The following UNC80 variants were observed in gnomAD, a reference collection of about 807,000 sequenced individuals.
The protein encoded by UNC80 is unc-80 subunit of NALCN channel complex, also known as protein unc-80 homolog.
Under a neutral mutation model 384.6 loss-of-function variants are expected in UNC80, and 164 were observed. The observed-to-expected ratio is 0.43, with a 90% CI of 0.38 to 0.49. The LOEUF (loss-of-function observed/expected upper bound fraction) is 0.49. Among genes scored for constraint, UNC80 ranks in the 20% least tolerant of loss-of-function variants. The probability of loss-of-function intolerance (pLI) is 0.00; values close to 1 mark genes in which losing one functional copy is unlikely to be tolerated. For synonymous variants in UNC80, 1,486 were observed against 1,527.8 expected, an observed-to-expected ratio of 0.97 and a Z score of 0.64; for missense variants, 3,330 against 4,143.0, an observed-to-expected ratio of 0.80 and a Z score of 5.39.
chr2:209,957,405 C>T (rs1231999018), intron 48 of UNC80, among the ~76,000 whole-genome samples: 1 of 152,064 alleles, frequency 6.6e-6, no homozygotes, highest in East Asian at 1.9e-4. Context: ...GTCTATTACT[C>T]AGAACAAAGA....
intron 3 of UNC80, 111 bp downstream of exon 3, chr2:209,776,156 T>C (rs2076849065): frequency 1.5e-6 from 2 of 1,324,858 alleles, no homozygotes; most frequent in East Asian, 2.4e-5. Flanking sequence ...TGTGCATATA[T>C]TATCTCATTT....
Position 209,834,184 on chromosome 2 carries a change from T to C in UNC80, c.2942+16T>C. On this transcript the variant is annotated intron_variant, in intron 17 of 64. Coordinates refer to ENST00000673920, the MANE Select transcript of UNC80 (RefSeq NM_001371986.1). ...GCAGTAAAAGGTTGGAAGCTTGAACTCTCTGAATATTACTGTTTGCCTTAA... is the reference window on the plus strand; with the variant it reads ...GCAGTAAAAGGTTGGAAGCTTGAACCCTCTGAATATTACTGTTTGCCTTAA... The C allele has an allele frequency of 1.9e-6, 3 of 1,550,968 alleles. No individual in the cohort carries two copies. The highest frequency in any genetic ancestry group is 2.6e-6 in the Non-Finnish European group (3 of 1,146,572).
chr2:209,944,431 T>A (rs2091813399), intron 45 of UNC80, among the ~76,000 whole-genome samples: 2 of 152,198 alleles, frequency 1.3e-5, no homozygotes, highest in Non-Finnish European at 2.9e-5. Flanking sequence ...AAGACCTTTG[T>A]ATGCTTTTGT....
At chr2:209,778,957 A>C (rs2077013060) in intron 4 of UNC80, among the ~76,000 whole-genome samples, 1 of 152,162 alleles carries the variant, frequency 6.6e-6, no homozygotes, top group Admixed American at 6.5e-5. Flanking sequence ...CTTTCCATTA[A>C]CTCTGTCCAT....
intron 41 of UNC80, 140 bp downstream of exon 41, chr2:209,937,073 A>G (rs953317865): frequency 9.7e-6 from 6 of 619,498 alleles, no homozygotes; most frequent in African/African-American, 7.4e-5. Flanking sequence ...CTTACTATCA[A>G]TGGGGCTTTT....
In UNC80 at chr2:209,954,229, G is replaced by A. The variant is rs1041157077; in HGVS notation, c.7416G>A (p.Thr2472=). The change falls in exon 48 of 65, where the codon ACG becomes ACA. Residue 2472 remains threonine, a synonymous_variant. Coordinates refer to ENST00000673920, the MANE Select transcript of UNC80 (RefSeq NM_001371986.1). ...EEIAATAALA[T]SLQALLYSVE... is the part of the protein sequence containing the mutation. Reference sequence around the variant, plus strand: ...TTGCGGCCACTGCTGCTCTTGCGACGTCCCTACAGGCCCTTTTGTACAGTG... The same window carrying A: ...TTGCGGCCACTGCTGCTCTTGCGACATCCCTACAGGCCCTTTTGTACAGTG... 4.4e-5 allele frequency: 69 copies of A among 1,550,684 alleles called. No homozygotes were observed. The highest frequency in any genetic ancestry group is 5.2e-5 in the Non-Finnish European group (60 of 1,146,856).
chr2:209,945,899 GCT>G lies in UNC80; in HGVS notation c.7245_7246del (p.Val2417HisfsTer80). 1 of 1,552,016 alleles carries G rather than the reference GCT, an allele frequency of 6.4e-7. No homozygotes were observed. The highest frequency in any genetic ancestry group is 8.7e-7 in the Non-Finnish European group (1 of 1,146,996). ...CATTTTCTATCAGTGAAGCCATTAAGCTCTGTGTCACTGTGGTGGCGTATGCT... is the reference window on the plus strand; with the variant it reads ...CATTTTCTATCAGTGAAGCCATTAAGCTGTGTCACTGTGGTGGCGTATGCT... ...LTFSISEAIK[L>X]CVTVVAYAPE... On this transcript the variant is annotated frameshift_variant, in exon 47 of 65. Coordinates refer to ENST00000673920, the MANE Select transcript of UNC80 (RefSeq NM_001371986.1). LOFTEE classifies it high-confidence loss of function.
At position 209,933,851 on chromosome 2, in the gene UNC80, C is replaced by A; in HGVS notation, c.6024C>A (p.Thr2008=). ...GATTAATCATGTACTTTGTGCGGAC[C>A]CCCTGCGAGTGGGGGATGGATGCCA... is the stretch of plus-strand genomic sequence containing the variant. The part of the protein sequence containing the change: ...LVGLIMYFVR[T]PCEWGMDAIS... The change falls in exon 39 of 65, where the codon ACC becomes ACA. Residue 2008 remains threonine (T), a synonymous_variant. Transcript: ENST00000673920. 5.8e-6 allele frequency: 9 copies of A among 1,550,980 alleles called. No individual in the cohort carries two copies. Among genetic ancestry groups the A allele is most frequent in the Non-Finnish European group, 7.8e-6 (9 of 1,146,686 alleles).
At chr2:209,885,466 T>C (rs1232307993) in intron 25 of UNC80, among the ~76,000 whole-genome samples, 1 of 152,198 alleles carries the variant, frequency 6.6e-6, no homozygotes, top group Admixed American at 6.5e-5. Flanking sequence ...AAGGGAGAAC[T>C]ACTTTTGTGA....
rs147665061 is a variant in UNC80 at position 209,805,113 on chromosome 2, C to T, written c.939-8467C>T. On this transcript the variant is annotated intron_variant, in intron 7 of 64. Coordinates refer to ENST00000673920, the MANE Select transcript of UNC80 (RefSeq NM_001371986.1). Reference sequence around the variant, plus strand: ...CTTCCTTTAGTTCATAACTTTTCTCCCTCAACTTACTATAAGAGCAAGAAG... The same window carrying T: ...CTTCCTTTAGTTCATAACTTTTCTCTCTCAACTTACTATAAGAGCAAGAAG... 4.0e-3 allele frequency among the ~76,000 whole-genome samples: 605 copies of T among 152,216 alleles called. 6 individuals are homozygous for T. The highest frequency in any genetic ancestry group is 0.014 in the African/African-American group (569 of 41,532).
chr2:209,817,165 G>T, intron 10 of UNC80, 40 bp downstream of exon 10: 1 of 1,530,778 alleles, frequency 6.5e-7, no homozygotes. Flanking sequence ...GAGTTTAAGT[G>T]ACCTGTTTAG....
rs2080781999 is a variant in UNC80, at chr2:209,829,295, G to T, written c.2542G>T (p.Asp848Tyr). 1.3e-6 allele frequency: 2 copies of T among 1,551,324 alleles called. No individual in the cohort carries two copies. Among genetic ancestry groups the T allele is most frequent in the African/African-American group, 2.7e-5 (2 of 73,024 alleles). Residue 848 changes from aspartate (D) to tyrosine (Y), a missense_variant, in exon 15 of 65, where the codon GAC becomes TAC. This residue lies in a region of UNC80 where 937 missense variants were observed against 1,026.8 expected (regional missense o/e 0.91). Coordinates refer to ENST00000673920, the MANE Select transcript of UNC80 (RefSeq NM_001371986.1). ...GATGCAGTTCCGACAAACCATGAGGGACTATGTGAACAAGGACTCTCTCAA... is the reference window on the plus strand; with the variant it reads ...GATGCAGTTCCGACAAACCATGAGGTACTATGTGAACAAGGACTCTCTCAA... ...DKMQFRQTMRDYVNKDSLNNV... is the reference protein window; with the variant it reads ...DKMQFRQTMRYYVNKDSLNNV...
intron 63 of UNC80, 140 bp from the exon 64 acceptor site, chr2:209,993,925 G>A (rs2093438113): frequency 9.9e-6 from 7 of 710,184 alleles, no homozygotes; most frequent in South Asian, 4.6e-5. Context: ...ATGTTCAAAC[G>A]TGCTCTCATT....
chr2:209,808,524 TAAA>T (rs535979983), intron 7 of UNC80, among the ~76,000 whole-genome samples: 10 of 120,760 alleles, frequency 8.3e-5, no homozygotes, highest in Non-Finnish European at 7.1e-5. Context: ...ATCGCGCCAC[TAAA>T]AAAAAAAAAA....
In UNC80 at chr2:209,994,111, A is replaced by G; in HGVS notation, c.9555A>G (p.Pro3185=). ...SVTFIEAQPE[P]AAAPTDALPA... ...CCTTCATTGAGGCTCAGCCAGAGCCAGCAGCTGCCCCAACAGATGCGCTTC... is the reference window on the plus strand; with the variant it reads ...CCTTCATTGAGGCTCAGCCAGAGCCGGCAGCTGCCCCAACAGATGCGCTTC... The change falls in exon 64 of 65, where the codon CCA becomes CCG. Residue 3185 remains proline, a synonymous_variant. Coordinates refer to ENST00000673920, the MANE Select transcript of UNC80 (RefSeq NM_001371986.1). 6.4e-7 allele frequency: 1 copy of G among 1,551,714 alleles called. No homozygotes were observed. Among genetic ancestry groups the G allele is most frequent in the Non-Finnish European group, 8.7e-7 (1 of 1,146,962 alleles).
chr2:209,816,406 G>A (rs111883284), intron 9 of UNC80, among the ~76,000 whole-genome samples: 1,833 of 152,206 alleles, frequency 0.012, 39 homozygotes, highest in African/African-American at 0.04. Flanking sequence ...GAACAGTGGC[G>A]CACATTTAAA....
At chr2:209,793,319 G>A (rs1189891086) in intron 6 of UNC80, among the ~76,000 whole-genome samples, 1 of 152,108 alleles carries the variant, frequency 6.6e-6, no homozygotes, top group Admixed American at 6.5e-5. Flanking sequence ...CTCATGTTCT[G>A]GCTTCAATCT....
chr2:209,807,890 G>T (rs916277079), intron 7 of UNC80, among the ~76,000 whole-genome samples: 1 of 152,180 alleles, frequency 6.6e-6, no homozygotes, highest in South Asian at 2.1e-4. Flanking sequence ...ACACCTTAAA[G>T]GGAGGTACTT....
chr2:209,817,771 G>A, intron 10 of UNC80, 41 bp from the exon 11 acceptor site: 1 of 1,549,276 alleles, frequency 6.5e-7, no homozygotes, highest in Non-Finnish European at 8.7e-7. Context: ...ATAACTTTCA[G>A]ATTTTAAAAC....
Sources: gnomAD v4.1 joint callset for allele counts (sites outside exome capture counted in the v4.1 genomes callset) on GRCh38, gnomAD v4.1.1 for gene constraint, gnomAD v4.1.1 regional missense constraint, MANE v1.5 for transcripts, NCBI Gene and HGNC (gene_info 2026-07-23, HGNC 2026-07-21) for gene names.